The following DOCK2 variants were observed in gnomAD, a reference collection of about 807,000 sequenced individuals.
The protein encoded by DOCK2 is dedicator of cytokinesis 2.
DOCK2 carries 87 observed loss-of-function variants against 248.9 expected under a neutral mutation model. That is an observed-to-expected ratio of 0.35 (90% CI 0.29 to 0.42). The LOEUF (loss-of-function observed/expected upper bound fraction) is 0.42, where lower values mean the gene tolerates loss of function less well. Ranked by LOEUF, DOCK2 falls within the 10% of genes least tolerant of loss-of-function variation. The pLI is 1.00. For synonymous variants in DOCK2, 805 were observed against 821.6 expected, an observed-to-expected ratio of 0.98 and a Z score of 0.35; for missense variants, 1,747 against 2,300.2, an observed-to-expected ratio of 0.76 and a Z score of 4.92.
Position 170,079,103 on chromosome 5 carries a change from T to C in DOCK2, c.5123T>C (p.Val1708Ala). 1.2e-6 allele frequency: 2 copies of C among 1,613,854 alleles called. No homozygotes were observed. The highest frequency in any genetic ancestry group is 1.7e-6 in the Non-Finnish European group (2 of 1,179,962). The change falls in exon 49 of 52, where the codon GTT becomes GCT. Residue 1708 changes from valine (V) to alanine (A), a missense_variant. Val to Ala is a moderately conservative substitution (Grantham distance 64). Transcript: ENST00000520908. ...AAGAGGACAAAGAGAAGCAGCGTAGTTTTTGCGGATGAGAAAGCAGCTGCA... is the reference window on the plus strand; with the variant it reads ...AAGAGGACAAAGAGAAGCAGCGTAGCTTTTGCGGATGAGAAAGCAGCTGCA... ...SKKRTKRSSV[V>A]FADEKAAAES...
intron 11 of DOCK2, 60 bp downstream of exon 11, chr5:169,698,509 G>A: frequency 1.9e-6 from 3 of 1,573,280 alleles, no homozygotes; most frequent in Non-Finnish European, 2.6e-6. Flanking sequence ...ATCAAGGGCT[G>A]CTGGAGCTCA....
chr5:169,730,909 T>C (rs1449738818), intron 22 of DOCK2, among the ~76,000 whole-genome samples: 1 of 152,010 alleles, frequency 6.6e-6, no homozygotes, highest in East Asian at 1.9e-4. Context: ...AGAGACAAGG[T>C]CTTGCTCTGT....
In DOCK2 at chr5:169,714,161, A is replaced by G. The variant is rs770906402; in HGVS notation, c.1793A>G (p.Asp598Gly). 1 of 1,613,424 alleles carries G rather than the reference A, an allele frequency of 6.2e-7. No homozygotes were observed. The highest frequency in any genetic ancestry group is 2.2e-5 in the East Asian group (1 of 44,836). The stretch of plus-strand genomic sequence containing the variant: ...GGGGGGCTTTCTGTCAGCTCCCGGG[A>G]TGTGTTCTCCATTTCCACCCTGGTG... ...SVGGLSVSSR[D>G]VFSISTLVCS... Residue 598 changes from aspartate to glycine, a missense_variant, in exon 18 of 52, where the codon GAT (aspartate) becomes GGT (glycine). Asp to Gly is a moderately conservative substitution (Grantham distance 94). Around this residue, in one of 4 missense-constraint regions of DOCK2, gnomAD observed 858 missense variants for 1,183.5 expected, o/e 0.72. Coordinates refer to ENST00000520908, the MANE Select transcript of DOCK2 (RefSeq NM_004946.3).
At chr5:169,926,434 TC>T (rs1218805896) in intron 27 of DOCK2, among the ~76,000 whole-genome samples, 2 of 152,196 alleles carry the variant, frequency 1.3e-5, no homozygotes, top group African/African-American at 4.8e-5. Flanking sequence ...TTTTCCCTGA[TC>T]ACATGAGCCT....
chr5:169,811,995 C>G (rs1767787921), intron 26 of DOCK2, among the ~76,000 whole-genome samples: 1 of 152,162 alleles, frequency 6.6e-6, no homozygotes, highest in Non-Finnish European at 1.5e-5. Context: ...CGGCTGTGAG[C>G]AGAGCAGGGG....
At chr5:170,037,658 G>A (rs1756368679) in intron 36 of DOCK2, among the ~76,000 whole-genome samples, 1 of 151,812 alleles carries the variant, frequency 6.6e-6, no homozygotes, top group Non-Finnish European at 1.5e-5. Context: ...GGCTAATTTT[G>A]TATTTTTAGT....
chr5:169,798,142 C>T (rs1037729121), intron 25 of DOCK2, among the ~76,000 whole-genome samples: 1 of 152,206 alleles, frequency 6.6e-6, no homozygotes, highest in Non-Finnish European at 1.5e-5. Context: ...CTCCCACAGC[C>T]TCAGTACTCT....
At chr5:169,910,307 G>C (rs1774523378) in intron 27 of DOCK2, among the ~76,000 whole-genome samples, 1 of 152,200 alleles carries the variant, frequency 6.6e-6, no homozygotes, top group Admixed American at 6.5e-5. Context: ...GAATATGTAA[G>C]GAAGATCTCT....
chr5:169,762,041 G>A (rs1764514851), intron 25 of DOCK2, among the ~76,000 whole-genome samples: 1 of 152,200 alleles, frequency 6.6e-6, no homozygotes, highest in Admixed American at 6.5e-5. Context: ...AGCTCGAAGA[G>A]TCTAATTGAG....
intron 29 of DOCK2, among the ~76,000 whole-genome samples, chr5:169,990,434 C>G (rs1355150555): frequency 6.6e-6 from 1 of 152,148 alleles, no homozygotes; most frequent in Non-Finnish European, 1.5e-5. Context: ...GCAAAGAACA[C>G]CTAATCCTGA....
chr5:169,779,905 C>G (rs560586784), intron 25 of DOCK2, among the ~76,000 whole-genome samples: 1 of 152,170 alleles, frequency 6.6e-6, no homozygotes, highest in South Asian at 2.1e-4. Flanking sequence ...TGACTGTGGC[C>G]CCGTAGAGAG....
chr5:170,029,514 G>C (rs911447323), intron 34 of DOCK2, among the ~76,000 whole-genome samples: 1 of 152,162 alleles, frequency 6.6e-6, no homozygotes. Context: ...GGAATAATAA[G>C]CTCCTGTGGT....
At chr5:170,032,171 C>A (rs1345222893) in intron 34 of DOCK2, among the ~76,000 whole-genome samples, 1 of 152,056 alleles carries the variant, frequency 6.6e-6, no homozygotes, top group African/African-American at 2.4e-5. Context: ...GGACTACAGG[C>A]GCCCACTACC....
chr5:170,064,580 T>A (rs1757431191), intron 44 of DOCK2, among the ~76,000 whole-genome samples: 1 of 151,142 alleles, frequency 6.6e-6, no homozygotes, highest in African/African-American at 2.4e-5. Flanking sequence ...AAGAAAAGAA[T>A]GAAAAAGAAT....
chr5:169,699,781 G>T (rs572273265), intron 12 of DOCK2, among the ~76,000 whole-genome samples: 1 of 152,188 alleles, frequency 6.6e-6, no homozygotes, highest in South Asian at 2.1e-4. Context: ...CTCACTTTGG[G>T]CTTAGAGAAG....
intron 27 of DOCK2, among the ~76,000 whole-genome samples, chr5:169,979,991 C>A (rs929605157): frequency 6.6e-6 from 1 of 152,172 alleles, no homozygotes; most frequent in Non-Finnish European, 1.5e-5. Flanking sequence ...CAATTCCAGG[C>A]AACTTGAGAT....
chr5:169,929,310 G>A (rs762477682), intron 27 of DOCK2, among the ~76,000 whole-genome samples: 6 of 152,096 alleles, frequency 3.9e-5, no homozygotes, highest in Non-Finnish European at 8.8e-5. Flanking sequence ...ACACCAACAA[G>A]TTCATCTCAC....
chr5:169,733,261 A>G (rs1157476502), intron 22 of DOCK2, among the ~76,000 whole-genome samples: 8 of 151,842 alleles, frequency 5.3e-5, no homozygotes. Flanking sequence ...ATATTTTATC[A>G]TACATATTTA....
intron 4 of DOCK2, 22 bp downstream of exon 4, chr5:169,670,619 A>G (rs1581007190): frequency 1.2e-6 from 2 of 1,613,490 alleles, no homozygotes; most frequent in African/African-American, 2.7e-5. Flanking sequence ...TCTTCACCAG[A>G]CTTGAGCCTC....
Sources: allele counts gnomAD v4.1 joint callset (sites outside exome capture counted in the v4.1 genomes callset), GRCh38; gene constraint gnomAD v4.1.1; regional missense constraint gnomAD v4.1.1; transcripts MANE v1.5; gene names NCBI Gene and HGNC (gene_info 2026-07-23, HGNC 2026-07-21).